SSH2: variants seen among roughly 807,000 people sequenced by gnomAD.
SSH2 encodes the protein protein phosphatase Slingshot homolog 2.
A neutral mutation model predicts 135.2 loss-of-function variants in SSH2; 37 were observed. The ratio of observed to expected loss-of-function variants is 0.27; its 90% confidence interval spans 0.21 to 0.36. SSH2 has a LOEUF of 0.36. SSH2 is among the 10% of genes least tolerant of loss of function. The probability of loss-of-function intolerance (pLI) is 1.00; values close to 1 mark genes in which losing one functional copy is unlikely to be tolerated. For missense variants in SSH2, 1,408 were observed against 1,765.3 expected, an observed-to-expected ratio of 0.80 and a Z score of 3.63; for synonymous variants, 628 against 646.2, an observed-to-expected ratio of 0.97 and a Z score of 0.43.
chr17:29,868,092 T>G (rs1396776752), intron 1 of SSH2, among the ~76,000 whole-genome samples: 1 of 152,202 alleles, frequency 6.6e-6, no homozygotes, highest in African/African-American at 2.4e-5. Context: ...ACCTCAGGTA[T>G]AATCTTTCAA....
chr17:29,730,804 C>A (rs1320086321), intron 3 of SSH2, among the ~76,000 whole-genome samples: 2 of 151,976 alleles, frequency 1.3e-5, no homozygotes, highest in Non-Finnish European at 2.9e-5. Flanking sequence ...AATATATATA[C>A]CTACTATGTA....
At chr17:29,831,501 A>C (rs916971039) in intron 2 of SSH2, among the ~76,000 whole-genome samples, 1 of 151,966 alleles carries the variant, frequency 6.6e-6, no homozygotes, top group African/African-American at 2.4e-5. Flanking sequence ...AATTTTAAAA[A>C]TTTTCACTGT....
intron 1 of SSH2, among the ~76,000 whole-genome samples, chr17:29,896,608 A>G (rs1365104704): frequency 2.0e-5 from 3 of 151,212 alleles, no homozygotes; most frequent in Non-Finnish European, 4.4e-5. Flanking sequence ...TCTTTTATCT[A>G]TATGGTCCAT....
chr17:29,888,779 T>TAAA (rs869310143), intron 1 of SSH2, among the ~76,000 whole-genome samples: 2 of 118,392 alleles, frequency 1.7e-5, no homozygotes, highest in African/African-American at 6.2e-5. Flanking sequence ...ACAAAAAACT[T>TAAA]AAAAAAAAAA....
At chr17:29,752,213 T>C (rs1036628498) in intron 3 of SSH2, among the ~76,000 whole-genome samples, 4 of 152,146 alleles carry the variant, frequency 2.6e-5, no homozygotes, top group Admixed American at 6.5e-5. Flanking sequence ...CTAAGATTTA[T>C]CTGGAAAATA....
intron 3 of SSH2, among the ~76,000 whole-genome samples, chr17:29,761,840 CATATGTGTGTGTGTGT>C (rs1311412906): frequency 0.011 from 1,517 of 133,914 alleles, 18 homozygotes; most frequent in Non-Finnish European, 0.017. Flanking sequence ...CACTCACATA[CATATGTGTGTGTGTGT>C]GTGTGTGTGT....
chr17:29,709,762 C>G (rs1256540563), intron 3 of SSH2, among the ~76,000 whole-genome samples: 1 of 152,106 alleles, frequency 6.6e-6, no homozygotes, highest in Non-Finnish European at 1.5e-5. Context: ...CCACCACTTC[C>G]CCAACAAGGC....
At chr17:29,671,280 C>A (rs993959561) in intron 9 of SSH2, among the ~76,000 whole-genome samples, 2 of 152,032 alleles carry the variant, frequency 1.3e-5, no homozygotes, top group African/African-American at 4.8e-5. Context: ...GAGTTTAAGA[C>A]CAGCCTGGGC....
intron 1 of SSH2, chr17:29,928,289 T>C (rs1486265282): frequency 2.8e-6 from 1 of 360,294 alleles, no homozygotes; most frequent in Non-Finnish European, 4.9e-6. Context: ...GAATAAATTA[T>C]ATTAAAGATT....
intron 3 of SSH2, among the ~76,000 whole-genome samples, chr17:29,704,559 TG>T (rs1317239008): frequency 6.6e-6 from 1 of 151,314 alleles, no homozygotes; most frequent in Non-Finnish European, 1.5e-5. Flanking sequence ...TAAAAATAGC[TG>T]GGGGTGGTAT....
At chr17:29,725,902 A>G (rs1047256480) in intron 3 of SSH2, among the ~76,000 whole-genome samples, 2 of 152,126 alleles carry the variant, frequency 1.3e-5, no homozygotes, top group Non-Finnish European at 2.9e-5. Context: ...GTATCCCAGA[A>G]CTTAAAAGAA....
intron 2 of SSH2, among the ~76,000 whole-genome samples, chr17:29,839,881 A>T (rs531326146): frequency 6.6e-6 from 1 of 152,226 alleles, no homozygotes; most frequent in Non-Finnish European, 1.5e-5. Flanking sequence ...CACTACCAGC[A>T]TGGTCACATA....
intron 3 of SSH2, among the ~76,000 whole-genome samples, chr17:29,738,987 T>TA (rs1180766124): frequency 6.6e-6 from 1 of 152,240 alleles, no homozygotes; most frequent in African/African-American, 2.4e-5. Flanking sequence ...TACATATATT[T>TA]AATTAAATAA....
At chr17:29,874,873 C>T (rs1487772639) in intron 1 of SSH2, among the ~76,000 whole-genome samples, 4 of 152,086 alleles carry the variant, frequency 2.6e-5, no homozygotes, top group Non-Finnish European at 4.4e-5. Flanking sequence ...AATTATAATG[C>T]TGCAGATTTT....
intron 1 of SSH2, among the ~76,000 whole-genome samples, chr17:29,921,582 CT>C (rs965368328): frequency 2.0e-4 from 30 of 146,918 alleles, no homozygotes; most frequent in Non-Finnish European, 2.7e-4. Flanking sequence ...GTGTCAAATA[CT>C]TTTTTTTTTT....
chr17:29,722,441 C>T (rs1466720352), intron 3 of SSH2, among the ~76,000 whole-genome samples: 3 of 151,996 alleles, frequency 2.0e-5, no homozygotes, highest in African/African-American at 4.8e-5. Flanking sequence ...AAGGACTCAT[C>T]GATGGAGTAC....
intron 1 of SSH2, among the ~76,000 whole-genome samples, chr17:29,904,242 G>A (rs115696553): frequency 0.01 from 1,567 of 152,196 alleles, 17 homozygotes; most frequent in African/African-American, 0.034. Flanking sequence ...CATCGATGGA[G>A]AAATCCTTAA....
chr17:29,714,209 G>GTTGGTCATCATCATGTTGAC (rs1450263733), intron 3 of SSH2, among the ~76,000 whole-genome samples: 2 of 151,886 alleles, frequency 1.3e-5, no homozygotes, highest in Non-Finnish European at 2.9e-5. Context: ...TAAGAGACAT[G>GTTGGTCATCATCATGTTGAC]ATGATGACCA....
intron 1 of SSH2, among the ~76,000 whole-genome samples, chr17:29,882,748 T>C (rs943012622): frequency 1.3e-5 from 2 of 152,074 alleles, no homozygotes; most frequent in Non-Finnish European, 2.9e-5. Flanking sequence ...CAAAACTCCA[T>C]CTCAAAAATA....
Sources: allele counts gnomAD v4.1 joint callset (sites outside exome capture counted in the v4.1 genomes callset), GRCh38; gene constraint gnomAD v4.1.1; transcripts MANE v1.5; gene names NCBI Gene and HGNC (gene_info 2026-07-23, HGNC 2026-07-21).